Variants in RAB11FIP4 observed in about 807,000 individuals in gnomAD.
RAB11FIP4 encodes the protein rab11 family-interacting protein 4.
RAB11FIP4 carries 23 observed loss-of-function variants against 74.3 expected under a neutral mutation model. The observed-to-expected ratio is 0.31, with a 90% CI of 0.22 to 0.44. The LOEUF is 0.44. RAB11FIP4 is among the 20% of genes least tolerant of loss of function. RAB11FIP4 has a pLI of 1.00. For synonymous variants in RAB11FIP4, 360 were observed against 359.9 expected (o/e 1.00, Z 0.00); for missense variants, 630 against 863.9 (o/e 0.73, Z 3.39).
intron 3 of RAB11FIP4, among the ~76,000 whole-genome samples, chr17:31,515,265 G>T (rs1567686707): frequency 6.6e-6 from 1 of 151,980 alleles, no homozygotes; most frequent in African/African-American, 2.4e-5. Context: ...GATGTGATAG[G>T]TTGGGAGCCA....
chr17:31,393,729 A>G (rs1006276909), intron 1 of RAB11FIP4, among the ~76,000 whole-genome samples: 12 of 151,462 alleles, frequency 7.9e-5, no homozygotes, highest in Non-Finnish European at 1.6e-4. Flanking sequence ...CCATACTCCC[A>G]TTTTCCCTTC....
intron 1 of RAB11FIP4, among the ~76,000 whole-genome samples, chr17:31,400,586 G>C (rs1896316415): frequency 6.6e-6 from 1 of 152,260 alleles, no homozygotes; most frequent in African/African-American, 2.4e-5. Flanking sequence ...CCAGCACCAA[G>C]GCTAGTTCTT....
At chr17:31,508,346 T>C (rs955848657) in intron 3 of RAB11FIP4, among the ~76,000 whole-genome samples, 2 of 152,170 alleles carry the variant, frequency 1.3e-5, no homozygotes, top group African/African-American at 4.8e-5. Flanking sequence ...TTGAGTCCAC[T>C]CATGCTCACT....
intron 1 of RAB11FIP4, 48 bp from the exon 2 acceptor site, chr17:31,431,765 C>G: frequency 3.7e-6 from 3 of 816,372 alleles, no homozygotes; most frequent in Non-Finnish European, 5.8e-6. Context: ...CCTGAGTCTT[C>G]GGGAGATCCT....
intron 3 of RAB11FIP4, among the ~76,000 whole-genome samples, chr17:31,470,001 C>T (rs894508383): frequency 7.9e-5 from 12 of 152,214 alleles, no homozygotes; most frequent in Non-Finnish European, 1.5e-4. Context: ...CAGGTCCTTC[C>T]TTCACACCAT....
At chr17:31,495,747 A>C (rs962578832) in intron 3 of RAB11FIP4, among the ~76,000 whole-genome samples, 2 of 152,176 alleles carry the variant, frequency 1.3e-5, no homozygotes, top group Non-Finnish European at 2.9e-5. Context: ...TGGCCAACAC[A>C]TTTTTGTATG....
At chr17:31,472,526 G>A (rs2071748359) in intron 3 of RAB11FIP4, among the ~76,000 whole-genome samples, 1 of 152,218 alleles carries the variant, frequency 6.6e-6, no homozygotes, top group Non-Finnish European at 1.5e-5. Flanking sequence ...ATACACCTGC[G>A]CACAGGAAGA....
chr17:31,525,250 C>G lies in RAB11FIP4; in HGVS notation c.1274+20C>G. ...TGCCAGGTGGGCCCCTCCACCGAGC[C>G]CCCTCCCTCAGAGGGACCCCCTGTC... is the stretch of plus-strand genomic sequence containing the variant. On this transcript the variant is annotated intron_variant, in intron 10 of 14. Coordinates refer to ENST00000621161, the MANE Select transcript of RAB11FIP4 (RefSeq NM_032932.6). The G allele has an allele frequency of 6.5e-7, 1 of 1,535,488 alleles. No individual in the cohort carries two copies.
At chr17:31,433,604 G>T (rs1044521938) in intron 2 of RAB11FIP4, among the ~76,000 whole-genome samples, 2 of 152,232 alleles carry the variant, frequency 1.3e-5, no homozygotes, top group Admixed American at 6.5e-5. Context: ...TGTCCTGCGG[G>T]CAGCCCTGTC....
chr17:31,474,742 T>C (rs1043441797), intron 3 of RAB11FIP4, among the ~76,000 whole-genome samples: 2 of 151,400 alleles, frequency 1.3e-5, no homozygotes, highest in Non-Finnish European at 2.9e-5. Context: ...CTTGGGAGGC[T>C]AAGGCAGGAG....
intron 9 of RAB11FIP4, 188 bp from the exon 10 acceptor site, chr17:31,524,902 A>AT (rs2072735956): frequency 1.4e-6 from 1 of 694,462 alleles, no homozygotes. Flanking sequence ...CCTCCATGGC[A>AT]TGTGTGACCG....
Position 31,487,947 on chromosome 17 carries a change from G to C in RAB11FIP4, c.337-29704G>C, listed in dbSNP as rs961747538. ...CCCGCGGCTCGGGTTCCGGGGCCGC[G>C]TCCCTGTCCTCCGCCCCCGCCCCCG... On this transcript the variant is annotated intron_variant, in intron 3 of 14. Transcript: ENST00000621161. 4 of 725,308 alleles carry C rather than the reference G, an allele frequency of 5.5e-6. No homozygotes were observed. The African/African-American group carries it at 5.8e-5, about 10-fold the overall frequency. The allele number at this position is 725,308 out of a possible 1,614,324, so 44.9% of individuals were successfully genotyped here.
chr17:31,426,176 G>A (rs1281537475), intron 1 of RAB11FIP4, among the ~76,000 whole-genome samples: 1 of 152,184 alleles, frequency 6.6e-6, no homozygotes, highest in Non-Finnish European at 1.5e-5. Context: ...CCCCGTGAGA[G>A]TCTCTGGCCC....
At chr17:31,527,737 G>C (rs1408143058) in intron 10 of RAB11FIP4, 105 bp from the exon 11 acceptor site, 1 of 777,614 alleles carries the variant, frequency 1.3e-6, no homozygotes, top group Non-Finnish European at 2.1e-6. Context: ...TTGGTTTCTG[G>C]TATCTTTCCT....
At chr17:31,403,792 T>G (rs1352615681) in intron 1 of RAB11FIP4, among the ~76,000 whole-genome samples, 2 of 152,160 alleles carry the variant, frequency 1.3e-5, no homozygotes, top group African/African-American at 4.8e-5. Flanking sequence ...CTCATGTTCT[T>G]AGAAGGTCAG....
intron 3 of RAB11FIP4, among the ~76,000 whole-genome samples, chr17:31,474,932 G>T (rs1269974227): frequency 6.6e-6 from 1 of 152,060 alleles, no homozygotes; most frequent in Non-Finnish European, 1.5e-5. Flanking sequence ...GATTGTTAAG[G>T]TAAGATGAGG....
At chr17:31,407,467 A>G (rs1178084814) in intron 1 of RAB11FIP4, among the ~76,000 whole-genome samples, 1 of 152,178 alleles carries the variant, frequency 6.6e-6, no homozygotes, top group Non-Finnish European at 1.5e-5. Context: ...CCTTTCTCCC[A>G]TAAATACTTG....
In RAB11FIP4 at chr17:31,391,985, G is replaced by C; in HGVS notation, c.133G>C (p.Gly45Arg). Residue 45 changes from glycine (G) to arginine (R), a missense_variant, in exon 1 of 15, where the codon GGA (glycine) becomes CGA (arginine). By Grantham distance (125) the Gly-to-Arg change is moderately radical (BLOSUM62 -2). Transcript: ENST00000621161. ...FLRVERVAAL[G>R]LRFGQGEEVE... is the part of the protein sequence containing the mutation. Reference sequence around the variant, plus strand: ...GCGCGTGGAGCGCGTCGCGGCGCTCGGACTGCGCTTCGGCCAGGGCGAGGA... The same window carrying C: ...GCGCGTGGAGCGCGTCGCGGCGCTCCGACTGCGCTTCGGCCAGGGCGAGGA... 7.4e-7 allele frequency: 1 copy of C among 1,352,970 alleles called. No individual in the cohort carries two copies. The highest frequency in any genetic ancestry group is 9.5e-7 in the Non-Finnish European group (1 of 1,050,820). 83.8% of individuals were successfully genotyped at this position (1,352,970 alleles called of 1,614,324 possible). A position where few individuals can be genotyped will look rare whatever the true frequency, so the allele number is the denominator to read the frequency against.
At chr17:31,408,928 G>T (rs78819749) in intron 1 of RAB11FIP4, among the ~76,000 whole-genome samples, 3,320 of 152,308 alleles carry the variant, frequency 0.022, 139 homozygotes, top group African/African-American at 0.076. Flanking sequence ...AGGCCATCAG[G>T]CCTCCTGCTA....
Sources: allele counts gnomAD v4.1 joint callset (sites outside exome capture counted in the v4.1 genomes callset), GRCh38; gene constraint gnomAD v4.1.1; transcripts MANE v1.5; gene names NCBI Gene and HGNC (gene_info 2026-07-23, HGNC 2026-07-21).